The following DSC2 variants were observed in gnomAD, a reference collection of about 807,000 sequenced individuals.
The protein encoded by DSC2 is desmocollin 2.
In DSC2, 51 loss-of-function variants were observed where a neutral mutation model predicts 87.6. The observed-to-expected ratio is 0.58, with a 90% CI of 0.46 to 0.74. The LOEUF (loss-of-function observed/expected upper bound fraction) is 0.74. Among genes scored for constraint, DSC2 ranks in the 30% least tolerant of loss-of-function variants. The probability of loss-of-function intolerance (pLI) is 0.00; values close to 1 mark genes in which losing one functional copy is unlikely to be tolerated. For synonymous variants in DSC2, 383 were observed against 393.2 expected (o/e 0.97, Z 0.31); for missense variants, 1,066 against 1,089.5 (o/e 0.98, Z 0.30).
intron 11 of DSC2, among the ~76,000 whole-genome samples, chr18:31,076,491 A>T (rs2144804418): frequency 6.6e-6 from 1 of 152,338 alleles, no homozygotes; most frequent in Admixed American, 6.5e-5. Context: ...CAGTCAAAAG[A>T]TTAATTCATT....
intron 13 of DSC2, 110 bp from the exon 14 acceptor site, chr18:31,070,960 G>T: frequency 7.5e-7 from 1 of 1,332,878 alleles, no homozygotes; most frequent in South Asian, 1.3e-5. Context: ...TATATTAAAA[G>T]AAGACAGCTT....
rs1986458798 is a variant in DSC2 at position 31,059,428 on chromosome 18, T to C, written c.*8587A>G. On this transcript the variant is annotated 3_prime_UTR_variant, in exon 16 of 16. Transcript: ENST00000280904. ...ACTCAGTTATGATAATGTGAGATGATACAGTATTTTCTTTTTGCTTTCAAT... is the reference window on the plus strand; with the variant it reads ...ACTCAGTTATGATAATGTGAGATGACACAGTATTTTCTTTTTGCTTTCAAT... 6.6e-6 allele frequency: 1 copy of C among 152,322 alleles called. No homozygotes were observed. Among genetic ancestry groups the C allele is most frequent in the Non-Finnish European group, 1.5e-5 (1 of 68,022 alleles). 9.4% of individuals were successfully genotyped at this position (152,322 alleles called of 1,614,324 possible). A position where few individuals can be genotyped will look rare whatever the true frequency, so the allele number is the denominator to read the frequency against.
Position 31,069,666 on chromosome 18 carries a change from G to C in DSC2, c.2251-515C>G, listed in dbSNP as rs561009272. On this transcript the variant is annotated intron_variant, in intron 14 of 15. Transcript: ENST00000280904. ...GAAGACGGAGCTTGCAGTGAGCTGT[G>C]ATTGTGCCACTGCACTCCAGCTTTG... Among the ~76,000 whole-genome samples, 8 of 148,268 alleles carry C rather than the reference G, an allele frequency of 5.4e-5. 1 individual carries two copies. In the South Asian group the frequency reaches 1.8e-3, roughly 33 times the overall value.
intron 12 of DSC2, among the ~76,000 whole-genome samples, chr18:31,072,215 C>T (rs2144792694): frequency 6.6e-6 from 1 of 152,280 alleles, no homozygotes; most frequent in Non-Finnish European, 1.5e-5. Context: ...TTTACACATG[C>T]TTCATCGAAG....
chr18:31,077,511 TGC>T, intron 11 of DSC2, among the ~76,000 whole-genome samples: 1 of 152,254 alleles, frequency 6.6e-6, no homozygotes. Context: ...TGTTTACAGT[TGC>T]TCACTGATTA....
At chr18:31,096,851 A>G (rs578153026) in intron 1 of DSC2, among the ~76,000 whole-genome samples, 94 of 152,226 alleles carry the variant, frequency 6.2e-4, no homozygotes, top group Non-Finnish European at 1.1e-3. Context: ...AGGATATTAG[A>G]TAGGAAGATG....
rs1986653577 is a variant in DSC2 at position 31,067,252 on chromosome 18, A to T, written c.*763T>A. On this transcript the variant is annotated 3_prime_UTR_variant, in exon 16 of 16. Coordinates refer to ENST00000280904, the MANE Select transcript of DSC2 (RefSeq NM_024422.6). ...GATTCTTTAGCCCATATGGAAATTA[A>T]AAAAAAAAAAAAAACTGGAGAGAGA... 1.0e-5 allele frequency: 1 copy of T among 97,518 alleles called. No individual in the cohort carries two copies. Among genetic ancestry groups the T allele is most frequent in the African/African-American group, 9.3e-5 (1 of 10,730 alleles). The allele number at this position is 97,518 out of a possible 1,614,324, so 6.0% of individuals were successfully genotyped here.
Position 31,102,131 on chromosome 18 carries a change from C to G in DSC2, c.-160G>C. On this transcript the variant is annotated 5_prime_UTR_variant, in exon 1 of 16. Coordinates refer to ENST00000280904, the MANE Select transcript of DSC2 (RefSeq NM_024422.6). ...CGGAGAGGTGCTTTTCTTAGCTTCT[C>G]TGAAGCGCCTGCCTCTCATCCAAGG... 1.8e-6 allele frequency: 1 copy of G among 557,736 alleles called. No individual in the cohort carries two copies. The highest frequency in any genetic ancestry group is 4.8e-4 in the Middle Eastern group (1 of 2,074). The allele number at this position is 557,736 out of a possible 1,614,324, so 34.5% of individuals were successfully genotyped here. A position where few individuals can be genotyped will look rare whatever the true frequency, so the allele number is the denominator to read the frequency against.
intron 7 of DSC2, among the ~76,000 whole-genome samples, chr18:31,084,669 T>G (rs1192955218): frequency 3.9e-5 from 6 of 151,928 alleles, no homozygotes; most frequent in South Asian, 2.1e-4. Flanking sequence ...TTTTTGCTTT[T>G]TTTTTTTTTC....
chr18:31,092,343 A>C (rs1204467255), intron 2 of DSC2, 43 bp from the exon 3 acceptor site: 1 of 1,550,190 alleles, frequency 6.5e-7, no homozygotes, highest in Non-Finnish European at 8.9e-7. Context: ...AGTAAAACAT[A>C]GGATATAGTT....
intron 9 of DSC2, among the ~76,000 whole-genome samples, chr18:31,080,871 C>T (rs539708715): frequency 6.6e-6 from 1 of 151,942 alleles, no homozygotes; most frequent in African/African-American, 2.4e-5. Flanking sequence ...ACTAATACAC[C>T]CAGAAACCCA....
intron 1 of DSC2, among the ~76,000 whole-genome samples, chr18:31,095,331 G>T (rs1237827972): frequency 6.6e-6 from 1 of 152,160 alleles, no homozygotes; most frequent in Non-Finnish European, 1.5e-5. Context: ...AATGGCAAAT[G>T]ATGTAGGGTC....
chr18:31,086,841 A>C, intron 6 of DSC2, 99 bp from the exon 7 acceptor site: 1 of 1,284,540 alleles, frequency 7.8e-7, no homozygotes, highest in South Asian at 1.3e-5. Context: ...GTTCTGGACC[A>C]CATTATTACA....
rs1987987336 is a variant in DSC2, at chr18:31,102,109, AGAGGTG to A, written c.-144_-139del. On this transcript the variant is annotated 5_prime_UTR_variant, in exon 1 of 16. Coordinates refer to ENST00000280904, the MANE Select transcript of DSC2 (RefSeq NM_024422.6). ...GAGGCGGAGGAGGTGGGGCGCGCGGAGAGGTGCTTTTCTTAGCTTCTCTGAAGCGCC... is the reference window on the plus strand; with the variant it reads ...GAGGCGGAGGAGGTGGGGCGCGCGGACTTTTCTTAGCTTCTCTGAAGCGCC... The A allele has an allele frequency of 1.5e-6, 1 of 689,458 alleles. No individual in the cohort carries two copies. Among genetic ancestry groups the A allele is most frequent in the African/African-American group, 1.9e-5 (1 of 51,990 alleles). The allele number at this position is 689,458 out of a possible 1,614,324, so 42.7% of individuals were successfully genotyped here. A position where few individuals can be genotyped will look rare whatever the true frequency, so the allele number is the denominator to read the frequency against.
Position 31,064,946 on chromosome 18 carries a change from GA to G in DSC2, c.*3068del, listed in dbSNP as rs982250636. The G allele has an allele frequency of 4.6e-5, 7 of 152,104 alleles. No homozygotes were observed. The highest frequency in any genetic ancestry group is 7.2e-5 in the African/African-American group (3 of 41,406). The allele number at this position is 152,104 out of a possible 1,614,324, so 9.4% of individuals were successfully genotyped here. ...AAAACAGTCTTAAGATGGGAATAAA[GA>G]AAAAGTAATGATTACCAGGAGCCCC... On this transcript the variant is annotated 3_prime_UTR_variant, in exon 16 of 16. Transcript: ENST00000280904.
At chr18:31,085,574 A>T (rs1394080196) in intron 7 of DSC2, among the ~76,000 whole-genome samples, 1 of 151,904 alleles carries the variant, frequency 6.6e-6, no homozygotes, top group African/African-American at 2.4e-5. Context: ...GATTTTCAAC[A>T]ATATTTAACA....
At chr18:31,077,065 T>C (rs891201288) in intron 11 of DSC2, among the ~76,000 whole-genome samples, 3 of 151,594 alleles carry the variant, frequency 2.0e-5, no homozygotes, top group East Asian at 1.9e-4. Context: ...CATTCCACAA[T>C]TGAAAAAAAT....
chr18:31,087,241 C>T (rs768944762), intron 6 of DSC2, among the ~76,000 whole-genome samples: 2 of 152,200 alleles, frequency 1.3e-5, no homozygotes, highest in Non-Finnish European at 2.9e-5. Flanking sequence ...GCCCAGAATA[C>T]TGGCAATCAC....
chr18:31,059,139 A>G lies in DSC2; in HGVS notation c.*8876T>C, dbSNP rs1203881333. Reference sequence around the variant, plus strand: ...ATCCCAGACCGCTCTGTTAGGTTGCATGGAGAATGCGATGCATTGTGCAAA... The same window carrying G: ...ATCCCAGACCGCTCTGTTAGGTTGCGTGGAGAATGCGATGCATTGTGCAAA... On this transcript the variant is annotated 3_prime_UTR_variant, in exon 16 of 16. Coordinates refer to ENST00000280904, the MANE Select transcript of DSC2 (RefSeq NM_024422.6). The G allele has an allele frequency of 6.6e-6, 1 of 152,170 alleles. No homozygotes were observed. The highest frequency in any genetic ancestry group is 1.5e-5 in the Non-Finnish European group (1 of 68,014). The allele number at this position is 152,170 out of a possible 1,614,324, so 9.4% of individuals were successfully genotyped here.
Sources: gnomAD v4.1 joint callset for allele counts (sites outside exome capture counted in the v4.1 genomes callset) on GRCh38, gnomAD v4.1.1 for gene constraint, MANE v1.5 for transcripts, NCBI Gene and HGNC (gene_info 2026-07-23, HGNC 2026-07-21) for gene names.